Variants in DOCK5 observed in about 807,000 individuals in gnomAD.
The protein encoded by DOCK5 is dedicator of cytokinesis protein 5.
A neutral mutation model predicts 251.8 loss-of-function variants in DOCK5; 142 were observed. The observed-to-expected ratio is 0.56, with a 90% CI of 0.49 to 0.65. DOCK5 has a LOEUF of 0.65. Among genes scored for constraint, DOCK5 ranks in the 30% least tolerant of loss-of-function variants. The probability of loss-of-function intolerance (pLI) is 0.00; values close to 1 mark genes in which losing one functional copy is unlikely to be tolerated. For missense variants in DOCK5, 2,111 were observed against 2,312.3 expected, an observed-to-expected ratio of 0.91 and a Z score of 1.79; for synonymous variants, 842 against 835.5, an observed-to-expected ratio of 1.01 and a Z score of -0.13.
chr8:25,285,950 C>T (rs1804319801), intron 5 of DOCK5, among the ~76,000 whole-genome samples: 1 of 152,162 alleles, frequency 6.6e-6, no homozygotes, highest in African/African-American at 2.4e-5. Context: ...GTTTTGATTT[C>T]CTCTGACCTG....
intron 5 of DOCK5, among the ~76,000 whole-genome samples, chr8:25,287,403 G>A (rs926950859): frequency 5.3e-5 from 8 of 152,152 alleles, no homozygotes; most frequent in East Asian, 1.9e-4. Flanking sequence ...TCCAGCTTGG[G>A]TGACAGAGCG....
chr8:25,286,849 G>GT (rs1459370153), intron 5 of DOCK5, among the ~76,000 whole-genome samples: 1 of 151,944 alleles, frequency 6.6e-6, no homozygotes, highest in Non-Finnish European at 1.5e-5. Flanking sequence ...TTTTTGTAGA[G>GT]ACAGAGTCTT....
intron 5 of DOCK5, among the ~76,000 whole-genome samples, chr8:25,285,417 A>C (rs1199952411): frequency 2.0e-5 from 3 of 152,158 alleles, no homozygotes; most frequent in African/African-American, 7.2e-5. Context: ...AAGTGCTGGG[A>C]TACAGGTGTG....
At chr8:25,323,179 T>G (rs1805471737) in intron 16 of DOCK5, among the ~76,000 whole-genome samples, 1 of 152,166 alleles carries the variant, frequency 6.6e-6, no homozygotes, top group African/African-American at 2.4e-5. Context: ...CTCATGAAGC[T>G]GCACCCTCCT....
intron 1 of DOCK5, among the ~76,000 whole-genome samples, chr8:25,238,518 T>G (rs953664226): frequency 6.6e-6 from 1 of 152,214 alleles, no homozygotes; most frequent in Non-Finnish European, 1.5e-5. Flanking sequence ...TGAAACAGAT[T>G]GTACAAACAT....
chr8:25,379,777 C>T lies in DOCK5; in HGVS notation c.3937-528C>T, dbSNP rs547542785. ...CCAGCCGGTCCCTCCATTCGGGGTC[C>T]CTGACTTCCTGCAACACCACACAAC... On this transcript the variant is annotated intron_variant, in intron 38 of 51. Coordinates refer to ENST00000276440, the MANE Select transcript of DOCK5 (RefSeq NM_024940.8). 4.6e-5 allele frequency among the ~76,000 whole-genome samples: 7 copies of T among 152,060 alleles called. No individual in the cohort carries two copies. The South Asian group carries it at 1.0e-3, about 23-fold the overall frequency.
chr8:25,257,391 A>AG lies in DOCK5; in HGVS notation c.128-11454_128-11453insG, dbSNP rs1563327335. ...ACTTGAAGAAATTCATGCAGCTATT[A>AG]AATGGCAGAGCTGTGATTCCCACTG... On this transcript the variant is annotated intron_variant, in intron 2 of 51. Transcript: ENST00000276440. Among the ~76,000 whole-genome samples the AG allele has an allele frequency of 2.0e-5, 3 of 152,178 alleles. No homozygotes were observed. The South Asian group carries it at 6.2e-4, about 32-fold the overall frequency.
At chr8:25,309,798 G>A (rs1314906262) in intron 12 of DOCK5, among the ~76,000 whole-genome samples, 1 of 151,880 alleles carries the variant, frequency 6.6e-6, no homozygotes, top group Non-Finnish European at 1.5e-5. Context: ...TCCAGTCTGG[G>A]CAACAAAGTG....
intron 26 of DOCK5, 109 bp from the exon 27 acceptor site, chr8:25,351,622 A>T: frequency 1.4e-6 from 1 of 735,420 alleles, no homozygotes; most frequent in Non-Finnish European, 2.3e-6. Context: ...ATTGCTTTGT[A>T]GGGAAAAGCC....
chr8:25,225,990 T>C (rs1313919607), intron 1 of DOCK5, among the ~76,000 whole-genome samples: 2 of 152,122 alleles, frequency 1.3e-5, no homozygotes, highest in African/African-American at 4.8e-5. Context: ...TGAATATACT[T>C]AACACTACTG....
intron 5 of DOCK5, among the ~76,000 whole-genome samples, chr8:25,285,093 C>A (rs990615481): frequency 6.6e-6 from 1 of 152,014 alleles, no homozygotes; most frequent in South Asian, 2.1e-4. Context: ...GATAGAAGAT[C>A]TTTTTTGGTG....
chr8:25,199,627 C>A (rs2117457598), intron 1 of DOCK5, among the ~76,000 whole-genome samples: 1 of 152,326 alleles, frequency 6.6e-6, no homozygotes, highest in South Asian at 2.1e-4. Flanking sequence ...AGGTGATCCT[C>A]CCGCCTTGGC....
chr8:25,213,260 G>C (rs920719222), intron 1 of DOCK5, among the ~76,000 whole-genome samples: 13 of 151,322 alleles, frequency 8.6e-5, no homozygotes, highest in African/African-American at 3.2e-4. Context: ...ATGGGCCGCA[G>C]TGACTTCTCC....
At chr8:25,392,042 G>A (rs571349128) in intron 43 of DOCK5, 62 bp downstream of exon 43, 12 of 1,492,314 alleles carry the variant, frequency 8.0e-6, no homozygotes, top group East Asian at 7.0e-5. Context: ...GGTGGCTCAC[G>A]CCTGTAATCC....
chr8:25,288,150 T>C (rs1174980406), intron 5 of DOCK5, among the ~76,000 whole-genome samples: 1 of 152,180 alleles, frequency 6.6e-6, no homozygotes, highest in East Asian at 1.9e-4. Context: ...CCTCCCAAAG[T>C]GCTGGGATTA....
chr8:25,306,576 C>A (rs1332216413), intron 11 of DOCK5, among the ~76,000 whole-genome samples: 1 of 151,632 alleles, frequency 6.6e-6, no homozygotes, highest in Non-Finnish European at 1.5e-5. Context: ...CGCCTGTAGT[C>A]CCAGCTACTC....
chr8:25,324,655 T>A lies in DOCK5; in HGVS notation c.1719+704T>A, dbSNP rs1466102636. ...ATAAAGTATAATTGTCCCCATTTTTTAATTACACTTCAAGTTTTAGGGTAC... is the reference window on the plus strand; with the variant it reads ...ATAAAGTATAATTGTCCCCATTTTTAAATTACACTTCAAGTTTTAGGGTAC... On this transcript the variant is annotated intron_variant, in intron 17 of 51. Coordinates refer to ENST00000276440, the MANE Select transcript of DOCK5 (RefSeq NM_024940.8). 2.6e-5 allele frequency among the ~76,000 whole-genome samples: 4 copies of A among 152,148 alleles called. No individual in the cohort carries two copies. In the East Asian group the frequency reaches 7.7e-4, roughly 29 times the overall value.
At chr8:25,359,382 T>C (rs1050070958) in intron 28 of DOCK5, among the ~76,000 whole-genome samples, 2 of 29,406 alleles carry the variant, frequency 6.8e-5, no homozygotes, top group Non-Finnish European at 9.6e-5. Context: ...GTACAGTAAC[T>C]ACTCATGGCA....
intron 5 of DOCK5, among the ~76,000 whole-genome samples, chr8:25,281,062 G>C (rs1256140794): frequency 6.6e-6 from 1 of 151,468 alleles, no homozygotes; most frequent in Non-Finnish European, 1.5e-5. Flanking sequence ...GGTGTGCCCA[G>C]TTTATTACCT....
Sources: gnomAD v4.1 joint callset for allele counts (sites outside exome capture counted in the v4.1 genomes callset) on GRCh38, gnomAD v4.1.1 for gene constraint, MANE v1.5 for transcripts, NCBI Gene and HGNC (gene_info 2026-07-23, HGNC 2026-07-21) for gene names.